The following KANSL1 variants were observed in gnomAD, a reference collection of about 807,000 sequenced individuals.
KANSL1 encodes KAT8 regulatory NSL complex subunit 1.
In KANSL1, 22 loss-of-function variants were observed where a neutral mutation model predicts 103.6. The ratio of observed to expected loss-of-function variants is 0.21; its 90% CI spans 0.15 to 0.30. The LOEUF is 0.30. Ranked by LOEUF, KANSL1 falls within the 10% of genes least tolerant of loss-of-function variation. The pLI, the probability that KANSL1 is intolerant of heterozygous loss-of-function variation, is 1.00. For synonymous variants in KANSL1, 600 were observed against 527.6 expected, an observed-to-expected ratio of 1.14 and a Z score of -1.88; for missense variants, 1,337 against 1,399.8, an observed-to-expected ratio of 0.96 and a Z score of 0.72.
At chr17:46,206,675 T>C (rs946723284) in intron 1 of KANSL1, among the ~76,000 whole-genome samples, 15 of 152,250 alleles carry the variant, frequency 9.9e-5, no homozygotes, top group African/African-American at 3.6e-4. Flanking sequence ...AAATTAATTC[T>C]AATTAAATTT....
At chr17:46,041,081 G>A (rs1435100532) in intron 7 of KANSL1, 2 of 152,178 alleles carry the variant, frequency 1.3e-5, no homozygotes, top group African/African-American at 2.4e-5. Context: ...ATTAAAGATA[G>A]TACCTTTTAA....
At chr17:46,095,197 C>A (rs2042009448) in intron 2 of KANSL1, among the ~76,000 whole-genome samples, 1 of 152,098 alleles carries the variant, frequency 6.6e-6, no homozygotes, top group Non-Finnish European at 1.5e-5. Flanking sequence ...GAAAATAACG[C>A]CTGAAAGCAT....
At chr17:46,213,384 T>C (rs959564553) in intron 1 of KANSL1, among the ~76,000 whole-genome samples, 3 of 151,768 alleles carry the variant, frequency 2.0e-5, no homozygotes, top group Non-Finnish European at 4.4e-5. Flanking sequence ...CACTGCAAGC[T>C]CCGCCTGCTG....
At chr17:46,033,607 C>G (rs1225783233) in intron 11 of KANSL1, 147 bp from the exon 12 acceptor site, 5 of 679,798 alleles carry the variant, frequency 7.4e-6, no homozygotes, top group Non-Finnish European at 1.0e-5. Context: ...ACAGCTCAGT[C>G]TCCCTACCCT....
intron 3 of KANSL1, among the ~76,000 whole-genome samples, chr17:46,088,984 C>T (rs1472788648): frequency 1.3e-4 from 20 of 149,514 alleles, no homozygotes; most frequent in Non-Finnish European, 1.5e-5. Flanking sequence ...GACACAACAG[C>T]AAAGTATGTT....
chr17:46,218,041 TACAC>T, intron 1 of KANSL1, among the ~76,000 whole-genome samples: 1 of 152,112 alleles, frequency 6.6e-6, no homozygotes, highest in South Asian at 2.1e-4. Context: ...ACAAAAGAAA[TACAC>T]ACAGGGAGAA....
At position 46,133,412 on chromosome 17, in the gene KANSL1, A is replaced by G. The variant is rs16940931; in HGVS notation, c.1289+37443T>C. Among the ~76,000 whole-genome samples the G allele has an allele frequency of 7.1e-3, 1,084 of 152,334 alleles. 16 individuals are homozygous for G. Among genetic ancestry groups the G allele is most frequent in the African/African-American group, 0.025 (1,036 of 41,560 alleles). ...ACTCTCAGAAGACAGGTGGTAAACG[A>G]TTCTTCACTCCAACTAGAAAGGAAA... On this transcript the variant is annotated intron_variant, in intron 2 of 14. Coordinates refer to ENST00000432791, the MANE Select transcript of KANSL1 (RefSeq NM_015443.4).
intron 1 of KANSL1, among the ~76,000 whole-genome samples, chr17:46,189,427 G>C (rs2047201868): frequency 6.6e-6 from 1 of 152,054 alleles, no homozygotes; most frequent in South Asian, 2.1e-4. Context: ...GCTTATTTCT[G>C]TGTCTTAATG....
In KANSL1 at chr17:46,171,663, A is replaced by G. The variant is rs777106355; in HGVS notation, c.481T>C (p.Leu161=). 3 of 1,552,186 alleles carry G rather than the reference A, an allele frequency of 1.9e-6. No individual in the cohort carries two copies. The highest frequency in any genetic ancestry group is 2.1e-5 in the Admixed American group (1 of 48,090). Residue 161 remains leucine, a synonymous_variant, in exon 2 of 15, where the codon TTG becomes CTG. Transcript: ENST00000432791. ...TCAGAATGTGTTGAACTTTTAGTCAATTTCTTAGCCAACCCATTTACAGGT... is the reference window on the plus strand; with the variant it reads ...TCAGAATGTGTTGAACTTTTAGTCAGTTTCTTAGCCAACCCATTTACAGGT... ...QAPVNGLAKK[L]TKSSTHSDHD...
intron 2 of KANSL1, among the ~76,000 whole-genome samples, chr17:46,137,448 G>A (rs740711): frequency 0.14 from 21,953 of 151,974 alleles, 2,135 homozygotes; most frequent in Non-Finnish European, 0.22. Flanking sequence ...AATGATTCTC[G>A]CAGCCCAGCA....
At chr17:46,055,991 T>A (rs2077912842) in intron 6 of KANSL1, among the ~76,000 whole-genome samples, 1 of 152,206 alleles carries the variant, frequency 6.6e-6, no homozygotes, top group African/African-American at 2.4e-5. Flanking sequence ...AAAGATTTAT[T>A]CATTTTCATT....
At chr17:46,219,027 G>A (rs573692615) in intron 1 of KANSL1, among the ~76,000 whole-genome samples, 268 of 151,564 alleles carry the variant, frequency 1.8e-3, no homozygotes, top group Non-Finnish European at 3.2e-3. Flanking sequence ...TTGGGAGGCC[G>A]AGGCGGGTGG....
intron 1 of KANSL1, among the ~76,000 whole-genome samples, chr17:46,219,263 AGG>A (rs1491154072): frequency 0.095 from 13,540 of 143,006 alleles, 4 homozygotes; most frequent in Middle Eastern, 0.16. Flanking sequence ...AAAAAAAAAA[AGG>A]AAGAAGAATG....
chr17:46,081,947 A>G (rs1008905217), intron 4 of KANSL1, among the ~76,000 whole-genome samples: 2 of 152,226 alleles, frequency 1.3e-5, no homozygotes, highest in Non-Finnish European at 2.9e-5. Context: ...ACCAGGAAAG[A>G]GAAGGAATCA....
chr17:46,100,534 G>A (rs1231126721), intron 2 of KANSL1, among the ~76,000 whole-genome samples: 1 of 151,706 alleles, frequency 6.6e-6, no homozygotes, highest in African/African-American at 2.4e-5. Flanking sequence ...TCAGGGTTCA[G>A]CTTACATGTT....
chr17:46,047,814 A>C lies in KANSL1; in HGVS notation c.2020+2719T>G, dbSNP rs9675311. 9.5e-4 allele frequency among the ~76,000 whole-genome samples: 130 copies of C among 136,438 alleles called. 3 individuals carry two copies. In the East Asian group the frequency reaches 0.021, roughly 22 times the overall value. 89.5% of individuals were successfully genotyped at this position (136,438 alleles called of 152,430 possible). On this transcript the variant is annotated intron_variant, in intron 7 of 14. Transcript: ENST00000432791. The stretch of plus-strand genomic sequence containing the variant: ...AAAAAATAAAAATTAAAAAAAAAAA[A>C]AAAACAAAAAAAAAACTTACAGACT...
chr17:46,202,396 A>C (rs1480064009), intron 1 of KANSL1, among the ~76,000 whole-genome samples: 1 of 152,224 alleles, frequency 6.6e-6, no homozygotes, highest in Non-Finnish European at 1.5e-5. Context: ...AAAAGGCAGA[A>C]TTCTCACTGT....
intron 1 of KANSL1, among the ~76,000 whole-genome samples, chr17:46,216,299 G>A (rs1450700078): frequency 1.3e-5 from 2 of 152,054 alleles, no homozygotes; most frequent in African/African-American, 4.8e-5. Context: ...AGCAAAAGAG[G>A]AAAAAAGTCT....
chr17:46,157,289 C>T (rs1341534524), intron 2 of KANSL1, among the ~76,000 whole-genome samples: 2 of 152,194 alleles, frequency 1.3e-5, no homozygotes, highest in Admixed American at 6.5e-5. Context: ...GGAAGGCCAG[C>T]CTGCTAGGAA....
Sources: allele counts gnomAD v4.1 joint callset (sites outside exome capture counted in the v4.1 genomes callset), GRCh38; gene constraint gnomAD v4.1.1; transcripts MANE v1.5; gene names NCBI Gene and HGNC (gene_info 2026-07-23, HGNC 2026-07-21).